XPR1: variants seen among roughly 807,000 people sequenced by gnomAD.
XPR1 encodes the protein solute carrier family 53 member 1.
XPR1 carries 28 observed loss-of-function variants against 87.5 expected under a neutral mutation model. That is an observed-to-expected ratio of 0.32 (90% CI 0.24 to 0.44). The LOEUF (loss-of-function observed/expected upper bound fraction) is 0.44, where lower values mean the gene tolerates loss of function less well. Among genes scored for constraint, XPR1 ranks in the 20% least tolerant of loss-of-function variants. The probability of loss-of-function intolerance (pLI) is 1.00; values close to 1 mark genes in which losing one functional copy is unlikely to be tolerated. For missense variants in XPR1, 559 were observed against 862.3 expected (o/e 0.65, Z 4.41); for synonymous variants, 300 against 306.1 (o/e 0.98, Z 0.21).
intron 11 of XPR1, among the ~76,000 whole-genome samples, chr1:180,837,719 T>A (rs996772061): frequency 1.3e-5 from 2 of 152,184 alleles, no homozygotes; most frequent in African/African-American, 4.8e-5. Context: ...TTAAATGATA[T>A]AATTTAAGTA....
At chr1:180,771,263 CTTGA>C (rs1276624439) in intron 2 of XPR1, among the ~76,000 whole-genome samples, 2 of 151,662 alleles carry the variant, frequency 1.3e-5, no homozygotes, top group Non-Finnish European at 2.9e-5. Flanking sequence ...AAGTCATTCT[CTTGA>C]TTAAGTTTGA....
chr1:180,852,623 ACTGCAGCCTTGACCTCTTGGGCT>A (rs1231776303), intron 11 of XPR1, among the ~76,000 whole-genome samples: 1 of 152,174 alleles, frequency 6.6e-6, no homozygotes, highest in East Asian at 1.9e-4. Flanking sequence ...ATCTCAGCTC[ACTGCAGCCTTGACCTCTTGGGCT>A]CATGCAGCCC....
In XPR1 at chr1:180,863,725, A is replaced by G; in HGVS notation, c.1519A>G (p.Thr507Ala). Residue 507 changes from threonine (T) to alanine (A), a missense_variant, in exon 12 of 15, where the codon ACT (threonine) becomes GCT (alanine). By Grantham distance (58) the Thr-to-Ala change is moderately conservative (BLOSUM62 0). Around this residue, in one of 7 missense-constraint regions of XPR1, gnomAD observed 264 missense variants for 377.2 expected, o/e 0.70. Coordinates refer to ENST00000367590, the MANE Select transcript of XPR1 (RefSeq NM_004736.4). ...TTCTTCAGAACGAGGTCACTCGGAC[A>G]CTATGGTGTTCTTTTACCTGTGGAT... The part of the protein sequence containing the change: ...STHKERGHSD[T>A]MVFFYLWIVF... The G allele has an allele frequency of 6.3e-7, 1 of 1,591,202 alleles. No individual in the cohort carries two copies. Among genetic ancestry groups the G allele is most frequent in the Non-Finnish European group, 8.5e-7 (1 of 1,171,980 alleles).
At chr1:180,646,349 G>A (rs529760374) in intron 1 of XPR1, among the ~76,000 whole-genome samples, 1 of 152,190 alleles carries the variant, frequency 6.6e-6, no homozygotes, top group Admixed American at 6.5e-5. Context: ...CAGACACATT[G>A]ATGAAGTGGT....
At chr1:180,680,136 C>T (rs1026863695) in intron 1 of XPR1, among the ~76,000 whole-genome samples, 2 of 152,006 alleles carry the variant, frequency 1.3e-5, no homozygotes, top group Non-Finnish European at 2.9e-5. Flanking sequence ...TAACATCACT[C>T]ATCATCAAAG....
intron 11 of XPR1, among the ~76,000 whole-genome samples, chr1:180,838,537 A>T (rs1192259736): frequency 6.6e-6 from 1 of 152,238 alleles, no homozygotes; most frequent in Non-Finnish European, 1.5e-5. Context: ...GTAACAGTTT[A>T]GATAGTATTG....
At chr1:180,701,560 A>T (rs1571740746) in intron 2 of XPR1, among the ~76,000 whole-genome samples, 1 of 140,488 alleles carries the variant, frequency 7.1e-6, no homozygotes, top group Non-Finnish European at 1.5e-5. Context: ...CATCCCAGGG[A>T]TGAAGCCCAC....
intron 2 of XPR1, among the ~76,000 whole-genome samples, chr1:180,749,763 C>T (rs980788191): frequency 6.6e-6 from 1 of 151,976 alleles, no homozygotes; most frequent in Non-Finnish European, 1.5e-5. Context: ...CCCCTTTTCT[C>T]CCATTTGACC....
chr1:180,750,591 A>T (rs959046209), intron 2 of XPR1, among the ~76,000 whole-genome samples: 1 of 151,412 alleles, frequency 6.6e-6, no homozygotes, highest in Admixed American at 6.6e-5. Flanking sequence ...TTGGCTCTCT[A>T]TCTTATTCCA....
chr1:180,794,102 G>A (rs1379114504), intron 3 of XPR1, among the ~76,000 whole-genome samples: 1 of 152,134 alleles, frequency 6.6e-6, no homozygotes, highest in Non-Finnish European at 1.5e-5. Flanking sequence ...TCTGAGAAAT[G>A]CGTCATGAGG....
rs139695975 is a variant in XPR1 at position 180,672,779 on chromosome 1, A to G, written c.70-9581A>G. Among the ~76,000 whole-genome samples the G allele has an allele frequency of 1.2e-3, 187 of 152,036 alleles. 2 individuals carry two copies. Among genetic ancestry groups the G allele is most frequent in the Admixed American group, 2.5e-3 (38 of 15,284 alleles). On this transcript the variant is annotated intron_variant, in intron 1 of 14. Transcript: ENST00000367590. ...TTGTAGATGAGCACATAATGCACAT[A>G]TTTAAAATAATATATTCAAATTTTA... is the stretch of plus-strand genomic sequence containing the variant.
At chr1:180,732,966 G>A (rs956582920) in intron 2 of XPR1, among the ~76,000 whole-genome samples, 3 of 152,150 alleles carry the variant, frequency 2.0e-5, no homozygotes, top group East Asian at 1.9e-4. Flanking sequence ...GCCGCTCAAC[G>A]GCCTGTGATC....
intron 3 of XPR1, among the ~76,000 whole-genome samples, chr1:180,800,885 T>G (rs1385485331): frequency 6.6e-6 from 1 of 152,148 alleles, no homozygotes; most frequent in African/African-American, 2.4e-5. Flanking sequence ...CTAGCGTTGA[T>G]CTGGAAGCTG....
rs542141779 is a variant in XPR1 at position 180,779,566 on chromosome 1, C to G, written c.122-8187C>G. On this transcript the variant is annotated intron_variant, in intron 2 of 14. Transcript: ENST00000367590. ...GGTCAGGAGTTAGAGACCAGCCTGG[C>G]CAACATGGTGAAACATCATCTCTAG... 3.9e-5 allele frequency among the ~76,000 whole-genome samples: 6 copies of G among 151,948 alleles called. No homozygotes were observed. In the East Asian group the frequency reaches 9.7e-4, roughly 25 times the overall value.
At chr1:180,704,246 A>ATATATATATATATG (rs1491436638) in intron 2 of XPR1, among the ~76,000 whole-genome samples, 1 of 12,368 alleles carries the variant, frequency 8.1e-5, no homozygotes, top group Non-Finnish European at 1.4e-4. Context: ...TAGGTGCTGG[A>ATATATATATATATG]TATATATATA....
intron 2 of XPR1, among the ~76,000 whole-genome samples, chr1:180,684,527 A>G (rs1656696817): frequency 6.6e-6 from 1 of 152,166 alleles, no homozygotes; most frequent in Admixed American, 6.5e-5. Flanking sequence ...CTGTGAAGAA[A>G]GGCATTGGTA....
intron 3 of XPR1, among the ~76,000 whole-genome samples, chr1:180,796,168 T>C (rs908812902): frequency 5.3e-5 from 8 of 152,158 alleles, no homozygotes; most frequent in Admixed American, 6.6e-5. Context: ...TATACACTTT[T>C]ATATATACAC....
chr1:180,841,123 A>T (rs967904145), intron 11 of XPR1, among the ~76,000 whole-genome samples: 6 of 151,992 alleles, frequency 3.9e-5, no homozygotes, highest in Admixed American at 3.3e-4. Context: ...GTTTTTTTTT[A>T]AAGGCATAAA....
At chr1:180,807,251 G>A (rs1650031607) in intron 6 of XPR1, among the ~76,000 whole-genome samples, 1 of 152,148 alleles carries the variant, frequency 6.6e-6, no homozygotes, top group Admixed American at 6.5e-5. Flanking sequence ...GACATTCAGG[G>A]TAGAAACGAA....
Sources: allele counts gnomAD v4.1 joint callset (sites outside exome capture counted in the v4.1 genomes callset), GRCh38; gene constraint gnomAD v4.1.1; regional missense constraint gnomAD v4.1.1; transcripts MANE v1.5; gene names NCBI Gene and HGNC (gene_info 2026-07-23, HGNC 2026-07-21).